Variants in BTBD9 observed in about 807,000 individuals in gnomAD.
BTBD9 encodes the protein BTB domain containing 9.
Under a neutral mutation model 64.3 loss-of-function variants are expected in BTBD9, and 49 were observed. The ratio of observed to expected loss-of-function variants is 0.76; its 90% CI spans 0.61 to 0.97. BTBD9 has a LOEUF of 0.97. BTBD9 is among the 50% of genes least tolerant of loss of function. The pLI, the probability that BTBD9 is intolerant of heterozygous loss-of-function variation, is 0.00. For synonymous variants in BTBD9, 260 were observed against 274.7 expected (o/e 0.95, Z 0.53); for missense variants, 598 against 762.1 (o/e 0.78, Z 2.53).
intron 6 of BTBD9, among the ~76,000 whole-genome samples, chr6:38,517,407 G>A (rs1014690831): frequency 1.3e-5 from 2 of 152,210 alleles, no homozygotes; most frequent in South Asian, 2.1e-4. Flanking sequence ...TGTCAGCTAC[G>A]TGCAGCCAAC....
intron 6 of BTBD9, among the ~76,000 whole-genome samples, chr6:38,554,927 G>C (rs1269020315): frequency 6.6e-6 from 1 of 152,210 alleles, no homozygotes; most frequent in Non-Finnish European, 1.5e-5. Context: ...TTTTCAAATG[G>C]ATTAGGAAGC....
intron 6 of BTBD9, among the ~76,000 whole-genome samples, chr6:38,375,987 G>A (rs1765683412): frequency 1.3e-5 from 2 of 151,858 alleles, no homozygotes; most frequent in Admixed American, 1.3e-4. Flanking sequence ...GCATAACTAT[G>A]ACAAGAAAAT....
At chr6:38,246,915 T>C (rs545182359) in intron 9 of BTBD9, among the ~76,000 whole-genome samples, 34 of 152,316 alleles carry the variant, frequency 2.2e-4, no homozygotes, top group African/African-American at 7.7e-4. Flanking sequence ...CTATGAACTA[T>C]GTCTCATCAT....
chr6:38,441,140 T>G (rs900739619), intron 6 of BTBD9, among the ~76,000 whole-genome samples: 2 of 152,066 alleles, frequency 1.3e-5, no homozygotes, highest in African/African-American at 4.8e-5. Context: ...ACAGAAACAC[T>G]GGGTGACACA....
chr6:38,595,802 C>A, intron 2 of BTBD9: 2 of 985,236 alleles, frequency 2.0e-6, no homozygotes, highest in South Asian at 9.4e-5. Flanking sequence ...CCTAAAAGTA[C>A]CCCTGAAGGT....
At chr6:38,623,077 T>C (rs1224868852) in intron 1 of BTBD9, among the ~76,000 whole-genome samples, 1 of 152,208 alleles carries the variant, frequency 6.6e-6, no homozygotes, top group Admixed American at 6.5e-5. Flanking sequence ...CCTTGGCAAG[T>C]ACTCTAGGAG....
At chr6:38,296,293 T>G (rs560918041) in intron 7 of BTBD9, among the ~76,000 whole-genome samples, 1 of 152,336 alleles carries the variant, frequency 6.6e-6, no homozygotes, top group South Asian at 2.1e-4. Flanking sequence ...ATACAATATT[T>G]CACAGTATAG....
chr6:38,305,494 T>C (rs1331395006), intron 7 of BTBD9, among the ~76,000 whole-genome samples: 2 of 152,210 alleles, frequency 1.3e-5, no homozygotes, highest in Non-Finnish European at 2.9e-5. Flanking sequence ...TTGTTTTGTT[T>C]GTTTTTGAGA....
chr6:38,222,330 G>A (rs1438721548), intron 9 of BTBD9, among the ~76,000 whole-genome samples: 3 of 128,736 alleles, frequency 2.3e-5, no homozygotes, highest in East Asian at 2.6e-4. Context: ...GTGCGATCTC[G>A]GCTTACTGCA....
At chr6:38,197,873 G>A (rs897300691) in intron 9 of BTBD9, among the ~76,000 whole-genome samples, 5 of 152,202 alleles carry the variant, frequency 3.3e-5, no homozygotes, top group East Asian at 3.9e-4. Flanking sequence ...TCAGGAAAAC[G>A]TACAGGTCTG....
chr6:38,293,034 G>A (rs547551736), intron 7 of BTBD9, among the ~76,000 whole-genome samples: 1 of 152,212 alleles, frequency 6.6e-6, no homozygotes, highest in Non-Finnish European at 1.5e-5. Context: ...GTTCTCATTG[G>A]TTTCAAAGAA....
At position 38,170,146 on chromosome 6, in the gene BTBD9, T is replaced by C. The variant is rs913329034; in HGVS notation, c.*4839A>G. ...CCCCTTCCGCGAGGTTGGAGCATTA[T>C]GCCAGGAACAGGTGTTCCCTGTACA... On this transcript the variant is annotated 3_prime_UTR_variant, in exon 11 of 11. Transcript: ENST00000481247. The C allele has an allele frequency of 6.6e-6, 1 of 152,268 alleles. No individual in the cohort carries two copies. Among genetic ancestry groups the C allele is most frequent in the Non-Finnish European group, 1.5e-5 (1 of 68,076 alleles). 9.4% of individuals were successfully genotyped at this position (152,268 alleles called of 1,614,324 possible). A position where few individuals can be genotyped will look rare whatever the true frequency, so the allele number is the denominator to read the frequency against.
At chr6:38,302,485 GTATA>G (rs59324806) in intron 7 of BTBD9, among the ~76,000 whole-genome samples, 1,991 of 106,754 alleles carry the variant, frequency 0.019, 46 homozygotes, top group Admixed American at 0.047. Flanking sequence ...TTGTGTGTAT[GTATA>G]TATATATATA....
intron 8 of BTBD9, among the ~76,000 whole-genome samples, chr6:38,258,278 G>A (rs544037281): frequency 4.9e-4 from 74 of 152,172 alleles, no homozygotes; most frequent in African/African-American, 1.7e-3. Flanking sequence ...GAGCCACTGC[G>A]GCCGGCCTAA....
At chr6:38,408,215 A>T (rs79546470) in intron 6 of BTBD9, among the ~76,000 whole-genome samples, 2,152 of 152,132 alleles carry the variant, frequency 0.014, 52 homozygotes, top group African/African-American at 0.049. Context: ...AAAATTAGTT[A>T]GGTGTAGTGA....
intron 1 of BTBD9, among the ~76,000 whole-genome samples, chr6:38,614,832 C>A (rs1777734307): frequency 6.6e-6 from 1 of 152,218 alleles, no homozygotes; most frequent in South Asian, 2.1e-4. Context: ...CCACTCAGAC[C>A]TTCCTCCAAA....
chr6:38,342,357 G>A (rs572374374), intron 7 of BTBD9, among the ~76,000 whole-genome samples: 116 of 151,894 alleles, frequency 7.6e-4, no homozygotes, highest in African/African-American at 2.6e-3. Flanking sequence ...CCAACATGGC[G>A]AAACCCTGTC....
intron 1 of BTBD9, among the ~76,000 whole-genome samples, chr6:38,615,240 A>C (rs1777745364): frequency 6.6e-6 from 1 of 152,246 alleles, no homozygotes; most frequent in South Asian, 2.1e-4. Flanking sequence ...CTGCACTTAG[A>C]AGGCTTTTCT....
chr6:38,401,922 A>G (rs578121729), intron 6 of BTBD9, among the ~76,000 whole-genome samples: 1 of 152,376 alleles, frequency 6.6e-6, no homozygotes, highest in South Asian at 2.1e-4. Flanking sequence ...ACTCTTTAAA[A>G]GAATCCTAAG....
Sources: gnomAD v4.1 joint callset for allele counts (sites outside exome capture counted in the v4.1 genomes callset) on GRCh38, gnomAD v4.1.1 for gene constraint, MANE v1.5 for transcripts, NCBI Gene and HGNC (gene_info 2026-07-23, HGNC 2026-07-21) for gene names.